Variants in TMEM132B observed in about 807,000 individuals in gnomAD.
TMEM132B encodes the protein transmembrane protein 132B.
A neutral mutation model predicts 90.8 loss-of-function variants in TMEM132B; 18 were observed. The ratio of observed to expected loss-of-function variants is 0.20; its 90% CI spans 0.14 to 0.29. The LOEUF is 0.29. TMEM132B is among the 10% of genes least tolerant of loss of function. The pLI is 1.00. For missense variants in TMEM132B, 1,096 were observed against 1,326.8 expected (o/e 0.83, Z 2.70); for synonymous variants, 504 against 523.3 (o/e 0.96, Z 0.50).
intron 5 of TMEM132B, among the ~76,000 whole-genome samples, chr12:125,632,494 CT>C (rs1886390113): frequency 6.6e-6 from 1 of 152,008 alleles, no homozygotes; most frequent in South Asian, 2.1e-4. Flanking sequence ...AGTTTTGCAC[CT>C]TCAGGTGATT....
chr12:125,278,908 A>G (rs1875080318), intron 1 of TMEM132B, among the ~76,000 whole-genome samples: 1 of 152,184 alleles, frequency 6.6e-6, no homozygotes, highest in African/African-American at 2.4e-5. Context: ...CTAAGAGGCA[A>G]TAACTCTGCC....
chr12:125,229,571 T>G (rs1359376672), intron 1 of TMEM132B, among the ~76,000 whole-genome samples: 1 of 152,252 alleles, frequency 6.6e-6, no homozygotes, highest in Non-Finnish European at 1.5e-5. Context: ...CTATCTGTCA[T>G]CTATCATTTA....
chr12:125,574,339 G>T (rs1317977943), intron 4 of TMEM132B, among the ~76,000 whole-genome samples: 1 of 152,136 alleles, frequency 6.6e-6, no homozygotes, highest in Admixed American at 6.5e-5. Flanking sequence ...TCTCTCAAAT[G>T]TGGTACCAGA....
intron 1 of TMEM132B, among the ~76,000 whole-genome samples, chr12:125,258,208 C>T (rs955212332): frequency 3.3e-5 from 5 of 152,156 alleles, no homozygotes; most frequent in South Asian, 2.1e-4. Context: ...CAGTAAGTGC[C>T]GTGTTCCAGG....
intron 5 of TMEM132B, among the ~76,000 whole-genome samples, chr12:125,602,492 C>T (rs1301592832): frequency 1.3e-5 from 2 of 152,140 alleles, no homozygotes; most frequent in Non-Finnish European, 1.5e-5. Context: ...TTATGACAAA[C>T]CCACAGCCAG....
rs61756702 is a variant in TMEM132B, at chr12:125,654,617, C to T, written c.3159C>T (p.Ser1053=). 0.026 allele frequency: 42,213 copies of T among 1,614,202 alleles called. 648 individuals carry two copies. The highest frequency in any genetic ancestry group is 0.045 in the Middle Eastern group (270 of 6,062). The change falls in exon 9 of 9, where the codon AGC becomes AGT. Residue 1053 remains serine, a synonymous_variant. Transcript: ENST00000682704. This position sits in a 1 kb window ranked among gnomAD's most constrained non-coding sequence, Gnocchi z 5.8. ...GPYTNSILFD[S]DDNIKWVCQD... ...ACACCAACTCCATCCTGTTTGACAG[C>T]GATGATAACATCAAGTGGGTCTGCC...
At chr12:125,620,246 A>G (rs529048211) in intron 5 of TMEM132B, among the ~76,000 whole-genome samples, 1 of 152,356 alleles carries the variant, frequency 6.6e-6, no homozygotes, top group East Asian at 1.9e-4. Context: ...TTTAATATCT[A>G]TACATTTATT....
chr12:125,520,031 G>A (rs903341949), intron 4 of TMEM132B, among the ~76,000 whole-genome samples: 3 of 152,148 alleles, frequency 2.0e-5, no homozygotes, highest in Non-Finnish European at 2.9e-5. Flanking sequence ...GGTAACTTAT[G>A]GATTGGAAAA....
intron 4 of TMEM132B, among the ~76,000 whole-genome samples, chr12:125,535,688 G>A (rs1288871450): frequency 1.3e-5 from 2 of 152,192 alleles, no homozygotes; most frequent in African/African-American, 4.8e-5. Context: ...AGACAGACAA[G>A]GCAAGAGAGT....
chr12:125,266,379 T>C (rs1327365957), intron 1 of TMEM132B, among the ~76,000 whole-genome samples: 6 of 152,268 alleles, frequency 3.9e-5, no homozygotes, highest in African/African-American at 1.2e-4. Flanking sequence ...TATGTGAATC[T>C]ATCACTGCTT....
chr12:125,379,608 A>G (rs1245187834), intron 2 of TMEM132B, among the ~76,000 whole-genome samples: 3 of 152,226 alleles, frequency 2.0e-5, no homozygotes, highest in East Asian at 3.8e-4. Context: ...ATAAGACAAT[A>G]TATTTATGCT....
At chr12:125,329,905 G>A (rs1876711386) in intron 1 of TMEM132B, among the ~76,000 whole-genome samples, 2 of 152,186 alleles carry the variant, frequency 1.3e-5, no homozygotes, top group East Asian at 1.9e-4. Flanking sequence ...GAAGGAATGC[G>A]ACAGATACAG....
chr12:125,449,218 C>T lies in TMEM132B; in HGVS notation c.1106+33541C>T, dbSNP rs12296887. Among the ~76,000 whole-genome samples the T allele has an allele frequency of 4.0e-3, 603 of 152,228 alleles. 10 individuals are homozygous for T. Among genetic ancestry groups the T allele is most frequent in the East Asian group, 0.026 (136 of 5,174 alleles). Reference sequence around the variant, plus strand: ...CCCTGACCTGGTGATCTGCCTGCCTCGGCCTCCCAAAGTGCTGGGATTACA... The same window carrying T: ...CCCTGACCTGGTGATCTGCCTGCCTTGGCCTCCCAAAGTGCTGGGATTACA... On this transcript the variant is annotated intron_variant, in intron 3 of 8. Coordinates refer to ENST00000682704, the MANE Select transcript of TMEM132B (RefSeq NM_001366854.1).
intron 1 of TMEM132B, among the ~76,000 whole-genome samples, chr12:125,265,341 G>T (rs1874662936): frequency 6.6e-6 from 1 of 151,694 alleles, no homozygotes; most frequent in Non-Finnish European, 1.5e-5. Context: ...CTATGATAAA[G>T]CTCAATTTAT....
intron 6 of TMEM132B, among the ~76,000 whole-genome samples, chr12:125,647,896 CCTT>C (rs1886805875): frequency 8.1e-6 from 1 of 123,450 alleles, no homozygotes; most frequent in African/African-American, 3.4e-5. Context: ...ACAATTGTAT[CCTT>C]TTTTTTTTTT....
chr12:125,215,051 A>C (rs768161573), intron 1 of TMEM132B, among the ~76,000 whole-genome samples: 11 of 152,124 alleles, frequency 7.2e-5, no homozygotes, highest in Non-Finnish European at 8.8e-5. Context: ...TCAAGAAGTA[A>C]CAGCTTCCCC....
intron 2 of TMEM132B, among the ~76,000 whole-genome samples, chr12:125,411,822 G>C (rs1879855431): frequency 6.6e-6 from 1 of 152,142 alleles, no homozygotes; most frequent in African/African-American, 2.4e-5. Flanking sequence ...ACTTCACTAA[G>C]GGGAAGCAGT....
rs772852354 is a variant in TMEM132B at position 125,498,006 on chromosome 12, T to C, written c.1107-21433T>C. Among the ~76,000 whole-genome samples, 18 of 152,176 alleles carry C rather than the reference T, an allele frequency of 1.2e-4. No individual in the cohort carries two copies. The highest frequency in any genetic ancestry group is 2.5e-4 in the Non-Finnish European group (17 of 68,024). ...AGTTTAGACAAAGCAACCACCATCC[T>C]GACTGTCATCCTTCACCACGCCAAA... is the stretch of plus-strand genomic sequence containing the variant. On this transcript the variant is annotated intron_variant, in intron 3 of 8. Transcript: ENST00000682704. This position sits in a 1 kb window ranked among gnomAD's most constrained non-coding sequence, Gnocchi z 4.5.
intron 1 of TMEM132B, among the ~76,000 whole-genome samples, chr12:125,262,265 A>T (rs1420319340): frequency 1.3e-5 from 2 of 151,376 alleles, no homozygotes; most frequent in Non-Finnish European, 2.9e-5. Context: ...AAAAAAAAAA[A>T]AGGAAACCTT....
Sources: allele counts gnomAD v4.1 joint callset (sites outside exome capture counted in the v4.1 genomes callset), GRCh38; gene constraint gnomAD v4.1.1; non-coding constraint Gnocchi (gnomAD v3.1); transcripts MANE v1.5; gene names NCBI Gene and HGNC (gene_info 2026-07-23, HGNC 2026-07-21).